The following RYR2 variants were observed in gnomAD, a reference collection of about 807,000 sequenced individuals.
RYR2 encodes cardiac muscle ryanodine receptor-calcium release channel.
In RYR2, 227 loss-of-function variants were observed where a neutral mutation model predicts 601.1. The ratio of observed to expected loss-of-function variants is 0.38; its 90% CI spans 0.34 to 0.42. RYR2 has a LOEUF of 0.42. Among genes scored for constraint, RYR2 ranks in the 10% least tolerant of loss-of-function variants. RYR2 has a pLI of 1.00. For missense variants in RYR2, 4,646 were observed against 6,156.5 expected (o/e 0.75, Z 8.21); for synonymous variants, 2,223 against 2,175.1 (o/e 1.02, Z -0.61).
chr1:237,827,317 C>G (rs1176268395), intron 101 of RYR2, among the ~76,000 whole-genome samples: 1 of 152,126 alleles, frequency 6.6e-6, no homozygotes, highest in Non-Finnish European at 1.5e-5. Flanking sequence ...ATTATGGAAG[C>G]TTACTTATAA....
chr1:237,383,620 G>A (rs192439387), intron 8 of RYR2, among the ~76,000 whole-genome samples: 29 of 151,566 alleles, frequency 1.9e-4, no homozygotes, highest in African/African-American at 5.8e-4. Flanking sequence ...TAGTAGAGAC[G>A]GGGCTTCACC....
intron 89 of RYR2, among the ~76,000 whole-genome samples, chr1:237,782,179 T>C (rs776315465): frequency 8.3e-4 from 26 of 31,348 alleles, no homozygotes; most frequent in African/African-American, 7.2e-3. Context: ...TTGTTATTGC[T>C]TTTTTTTTTT....
intron 1 of RYR2, among the ~76,000 whole-genome samples, chr1:237,114,630 G>C (rs1355374008): frequency 1.3e-5 from 2 of 152,172 alleles, no homozygotes; most frequent in Non-Finnish European, 2.9e-5. Flanking sequence ...AGAAGACCTA[G>C]GGGATAGAGC....
chr1:237,515,064 T>G (rs1666282138), intron 24 of RYR2, among the ~76,000 whole-genome samples: 1 of 152,164 alleles, frequency 6.6e-6, no homozygotes. Context: ...GTGATTTTTT[T>G]CTTATGTAAA....
intron 29 of RYR2, among the ~76,000 whole-genome samples, chr1:237,587,987 C>G (rs1674719565): frequency 6.6e-6 from 1 of 152,114 alleles, no homozygotes; most frequent in African/African-American, 2.4e-5. Context: ...GCAGTTCAAG[C>G]TGTCTGAGAT....
intron 63 of RYR2, among the ~76,000 whole-genome samples, chr1:237,693,362 A>C (rs2148995169): frequency 6.6e-6 from 1 of 152,290 alleles, no homozygotes; most frequent in South Asian, 2.1e-4. Context: ...GAACTATTTG[A>C]AAAGGCAGGC....
rs928159535 is a variant in RYR2 at position 237,169,533 on chromosome 1, C to T, written c.49-100964C>T. On this transcript the variant is annotated intron_variant, in intron 1 of 104. Transcript: ENST00000366574. ...CAGGCTGGTCTCGAACTCCTGACCTCGTGATCCATCACCTCGACCTCCCAA... is the reference window on the plus strand; with the variant it reads ...CAGGCTGGTCTCGAACTCCTGACCTTGTGATCCATCACCTCGACCTCCCAA... Among the ~76,000 whole-genome samples, 17 of 19,736 alleles carry T rather than the reference C, an allele frequency of 8.6e-4. No individual in the cohort carries two copies. In the Non-Finnish European group the frequency reaches 0.014, roughly 17 times the overall value. 12.9% of individuals were successfully genotyped at this position (19,736 alleles called of 152,430 possible).
intron 2 of RYR2, among the ~76,000 whole-genome samples, chr1:237,289,405 T>C (rs1035941447): frequency 2.0e-5 from 3 of 152,200 alleles, no homozygotes; most frequent in Admixed American, 1.3e-4. Context: ...AAAGGAAAGA[T>C]GTTTAATTGA....
At chr1:237,525,426 T>C (rs1465908032) in intron 24 of RYR2, among the ~76,000 whole-genome samples, 1 of 149,674 alleles carries the variant, frequency 6.7e-6, no homozygotes, top group Non-Finnish European at 1.5e-5. Context: ...GCAATGAACA[T>C]GTGAGTGCAG....
intron 12 of RYR2, among the ~76,000 whole-genome samples, chr1:237,430,858 G>T (rs1706733514): frequency 6.6e-6 from 1 of 152,160 alleles, no homozygotes; most frequent in Non-Finnish European, 1.5e-5. Context: ...TTCTCTCCAT[G>T]TTAGAATAGG....
intron 65 of RYR2, among the ~76,000 whole-genome samples, chr1:237,701,520 C>T (rs1333282132): frequency 1.4e-5 from 2 of 146,974 alleles, no homozygotes; most frequent in Non-Finnish European, 2.9e-5. Flanking sequence ...CAGAGCAAGA[C>T]TCTATCTCAA....
chr1:237,182,212 C>T (rs1039771432), intron 1 of RYR2, among the ~76,000 whole-genome samples: 1 of 152,062 alleles, frequency 6.6e-6, no homozygotes, highest in African/African-American at 2.4e-5. Flanking sequence ...GACTCCGCCT[C>T]CCGGGTTCAA....
chr1:237,728,657 C>G (rs1372843148), intron 76 of RYR2, among the ~76,000 whole-genome samples: 2 of 152,000 alleles, frequency 1.3e-5, no homozygotes, highest in African/African-American at 4.8e-5. Context: ...AGCTGGAAAC[C>G]ATCATTCTCA....
chr1:237,089,710 A>G (rs1348136429), intron 1 of RYR2, among the ~76,000 whole-genome samples: 3 of 152,262 alleles, frequency 2.0e-5, no homozygotes, highest in Non-Finnish European at 4.4e-5. Context: ...TGTTCCTTTT[A>G]GCTAATCCCA....
intron 17 of RYR2, among the ~76,000 whole-genome samples, chr1:237,489,260 C>A (rs1663055036): frequency 6.6e-6 from 1 of 152,100 alleles, no homozygotes; most frequent in African/African-American, 2.4e-5. Context: ...AAGCAGCCAA[C>A]AAACATATGA....
At chr1:237,631,829 T>G (rs375339702) in intron 42 of RYR2, among the ~76,000 whole-genome samples, 12 of 150,768 alleles carry the variant, frequency 8.0e-5, no homozygotes, top group African/African-American at 2.9e-4. Flanking sequence ...GGGGTTTCAC[T>G]GTGTTAGCCA....
At chr1:237,213,136 A>G (rs1200722118) in intron 1 of RYR2, among the ~76,000 whole-genome samples, 1 of 151,786 alleles carries the variant, frequency 6.6e-6, no homozygotes, top group Non-Finnish European at 1.5e-5. Flanking sequence ...AAAAGCAAAA[A>G]ACCCCAAAAC....
chr1:237,489,855 A>G (rs994384850), intron 17 of RYR2, among the ~76,000 whole-genome samples: 13 of 152,230 alleles, frequency 8.5e-5, no homozygotes, highest in Non-Finnish European at 4.4e-5. Context: ...TGGCATCACT[A>G]TTCACAAGAG....
At chr1:237,830,694 C>T (rs1267285904) in intron 103 of RYR2, 64 bp downstream of exon 103, 6 of 765,414 alleles carry the variant, frequency 7.8e-6, no homozygotes, top group South Asian at 1.8e-5. Context: ...CTGCCCATCT[C>T]AGAATAGAGA....
Sources: gnomAD v4.1 joint callset for allele counts (sites outside exome capture counted in the v4.1 genomes callset) on GRCh38, gnomAD v4.1.1 for gene constraint, MANE v1.5 for transcripts, NCBI Gene and HGNC (gene_info 2026-07-23, HGNC 2026-07-21) for gene names.